Variants in C9orf85 observed in about 807,000 individuals in gnomAD.
C9orf85 encodes the protein uncharacterized protein C9orf85.
C9orf85 carries 16 observed loss-of-function variants against 14.9 expected under a neutral mutation model. That is an observed-to-expected ratio of 1.08 (90% CI 0.73 to 1.63). The LOEUF is 1.63. C9orf85 is among the 40% of genes most tolerant of loss of function. The probability of loss-of-function intolerance (pLI) is 0.00; values close to 1 mark genes in which losing one functional copy is unlikely to be tolerated. For synonymous variants in C9orf85, 45 were observed against 56.8 expected, an observed-to-expected ratio of 0.79 and a Z score of 0.93; for missense variants, 172 against 186.1, an observed-to-expected ratio of 0.92 and a Z score of 0.44.
chr9:71,943,533 CTTT>C (rs568631055), intron 1 of C9orf85, among the ~76,000 whole-genome samples: 5 of 151,224 alleles, frequency 3.3e-5, no homozygotes, highest in African/African-American at 9.7e-5. Context: ...CGCCCAGCTT[CTTT>C]TTTTTGTTTT....
chr9:71,948,546 G>C (rs1423974945), intron 2 of C9orf85, among the ~76,000 whole-genome samples: 2 of 151,730 alleles, frequency 1.3e-5, no homozygotes, highest in Non-Finnish European at 2.9e-5. Flanking sequence ...TTTTGAGATA[G>C]GGTCTCACTG....
At chr9:71,937,885 A>G (rs1004650882) in intron 1 of C9orf85, among the ~76,000 whole-genome samples, 3 of 152,172 alleles carry the variant, frequency 2.0e-5, no homozygotes, top group Non-Finnish European at 4.4e-5. Context: ...AAGAATTCTT[A>G]TAAGTGTTGA....
chr9:71,970,829 C>CTTT (rs72263039), intron 2 of C9orf85, among the ~76,000 whole-genome samples: 6 of 142,682 alleles, frequency 4.2e-5, no homozygotes, highest in South Asian at 4.5e-4. Context: ...AATATTAAGT[C>CTTT]TTTTTTTTTT....
intron 2 of C9orf85, among the ~76,000 whole-genome samples, chr9:71,963,103 AT>A (rs1310237976): frequency 6.6e-6 from 1 of 152,208 alleles, no homozygotes; most frequent in African/African-American, 2.4e-5. Context: ...TCATAAAAAA[AT>A]CTTAAGCGTT....
intron 1 of C9orf85, among the ~76,000 whole-genome samples, chr9:71,940,243 CAA>C (rs1421294046): frequency 6.6e-6 from 1 of 151,684 alleles, no homozygotes; most frequent in Non-Finnish European, 1.5e-5. Context: ...AAAAAAGACG[CAA>C]AAGATTTGAA....
At chr9:71,950,943 G>T (rs906736746) in intron 2 of C9orf85, among the ~76,000 whole-genome samples, 1 of 152,108 alleles carries the variant, frequency 6.6e-6, no homozygotes, top group Non-Finnish European at 1.5e-5. Context: ...CAAAAACCGC[G>T]TGTTAATTAG....
intron 2 of C9orf85, among the ~76,000 whole-genome samples, chr9:71,960,947 T>C (rs2132336146): frequency 6.6e-6 from 1 of 151,074 alleles, no homozygotes; most frequent in East Asian, 2.0e-4. Flanking sequence ...AGTTTTGCTC[T>C]TTTTGCCCAA....
At chr9:71,953,806 G>T (rs1277135466) in intron 2 of C9orf85, among the ~76,000 whole-genome samples, 2 of 152,136 alleles carry the variant, frequency 1.3e-5, no homozygotes, top group Non-Finnish European at 2.9e-5. Context: ...TTAAAAAAAA[G>T]TGGGGGAGGG....
chr9:71,974,084 G>A (rs1589276284), downstream of C9orf85, among the ~76,000 whole-genome samples: 2 of 150,724 alleles, frequency 1.3e-5, no homozygotes, highest in South Asian at 2.1e-4. Context: ...CCGCCACCAC[G>A]CCCAGCTGAT....
In C9orf85 at chr9:71,921,243, T is replaced by C. The variant is rs373191868; in HGVS notation, c.102+9407T>C. Among the ~76,000 whole-genome samples, 3 of 152,324 alleles carry C rather than the reference T, an allele frequency of 2.0e-5. 1 individual carries two copies. ...ATTTGCATTCTGTAGAGAATCTCCTTCCCCTTAGGAGAGTCTGACACCTTT... is the reference window on the plus strand; with the variant it reads ...ATTTGCATTCTGTAGAGAATCTCCTCCCCCTTAGGAGAGTCTGACACCTTT... On this transcript the variant is annotated intron_variant, in intron 1 of 3. Transcript: ENST00000334731.
intron 2 of C9orf85, among the ~76,000 whole-genome samples, chr9:71,952,048 A>C (rs1156525118): frequency 6.6e-6 from 1 of 152,162 alleles, no homozygotes; most frequent in Non-Finnish European, 1.5e-5. Context: ...CAAGCAGTGC[A>C]AGGCCAGATG....
At chr9:71,965,294 G>A (rs529564827) in intron 2 of C9orf85, among the ~76,000 whole-genome samples, 1 of 152,220 alleles carries the variant, frequency 6.6e-6, no homozygotes, top group East Asian at 1.9e-4. Context: ...TAGCATTTTA[G>A]TGAGCTCTCT....
chr9:71,953,134 C>T (rs759357970), intron 2 of C9orf85, among the ~76,000 whole-genome samples: 1 of 152,018 alleles, frequency 6.6e-6, no homozygotes, highest in Non-Finnish European at 1.5e-5. Flanking sequence ...CCACAGTTCA[C>T]AAGACGGCCC....
chr9:71,934,296 C>G (rs1828138171), intron 1 of C9orf85, among the ~76,000 whole-genome samples: 1 of 151,970 alleles, frequency 6.6e-6, no homozygotes, highest in African/African-American at 2.4e-5. Flanking sequence ...CAGAGCAGGA[C>G]ACTGTCTCAA....
intron 2 of C9orf85, among the ~76,000 whole-genome samples, chr9:71,951,940 G>C (rs1822253939): frequency 6.6e-6 from 1 of 151,894 alleles, no homozygotes; most frequent in African/African-American, 2.4e-5. Flanking sequence ...CTTAAGGAAG[G>C]AATCTTGATA....
downstream of C9orf85, among the ~76,000 whole-genome samples, chr9:71,976,182 C>CAGA (rs1822992320): frequency 6.6e-6 from 1 of 152,164 alleles, no homozygotes; most frequent in Non-Finnish European, 1.5e-5. Context: ...TCATAACATA[C>CAGA]AGAAATGAGA....
chr9:71,966,460 TAGG>T (rs1822693568), intron 2 of C9orf85, among the ~76,000 whole-genome samples: 1 of 152,324 alleles, frequency 6.6e-6, no homozygotes, highest in South Asian at 2.1e-4. Flanking sequence ...AATTTATATT[TAGG>T]AGAATTTAAA....
rs1822863226 is a variant in C9orf85, at chr9:71,971,526, A to T, written c.231A>T (p.Thr77=). The change falls in exon 3 of 4, where the codon ACA becomes ACT. Residue 77 remains threonine, a synonymous_variant. Transcript: ENST00000334731. ...TTAGTGTTAAATGTTTACAAAAGAC[A>T]GTGAAGGATTCTTATCACATAATGT... ...PKKCVKCLQK[T]VKDSYHIMCR... is the part of the protein sequence containing the mutation. The T allele has an allele frequency of 6.3e-7, 1 of 1,596,926 alleles. No homozygotes were observed. Among genetic ancestry groups the T allele is most frequent in the Non-Finnish European group, 8.5e-7 (1 of 1,171,430 alleles).
chr9:71,927,266 CAAAAAAAAAA>C (rs61679762), intron 1 of C9orf85, among the ~76,000 whole-genome samples: 1 of 106,778 alleles, frequency 9.4e-6, no homozygotes, highest in Non-Finnish European at 2.0e-5. Flanking sequence ...GAAAGTTTGT[CAAAAAAAAAA>C]AAAAAAAAAG....
Sources: allele counts gnomAD v4.1 joint callset (sites outside exome capture counted in the v4.1 genomes callset), GRCh38; gene constraint gnomAD v4.1.1; transcripts MANE v1.5; gene names NCBI Gene and HGNC (gene_info 2026-07-23, HGNC 2026-07-21).